The following NKAIN2 variants were observed in gnomAD, a reference collection of about 807,000 sequenced individuals.
NKAIN2 encodes the protein sodium/potassium-transporting ATPase subunit beta-1-interacting protein 2.
A neutral mutation model predicts 32.6 loss-of-function variants in NKAIN2; 14 were observed. The ratio of observed to expected loss-of-function variants is 0.43; its 90% CI spans 0.28 to 0.67. NKAIN2 has a LOEUF of 0.67. NKAIN2 is among the 30% of genes least tolerant of loss of function. The pLI is 0.17. For synonymous variants in NKAIN2, 80 were observed against 87.2 expected (o/e 0.92, Z 0.46); for missense variants, 198 against 258.3 (o/e 0.77, Z 1.60).
chr6:124,496,788 G>A lies in NKAIN2; in HGVS notation c.273+141441G>A, dbSNP rs1277800417. On this transcript the variant is annotated intron_variant, in intron 3 of 6. Transcript: ENST00000368417. Reference sequence around the variant, plus strand: ...ATTTAAAATATGAAGAAAGTAGGTTGATGTTGAAATATGGAAAGATTATAT... The same window carrying A: ...ATTTAAAATATGAAGAAAGTAGGTTAATGTTGAAATATGGAAAGATTATAT... Among the ~76,000 whole-genome samples the A allele has an allele frequency of 5.3e-5, 8 of 152,064 alleles. No individual in the cohort carries two copies. The East Asian group carries it at 1.5e-3, about 29-fold the overall frequency.
At chr6:124,281,625 G>A (rs558210955) in intron 1 of NKAIN2, among the ~76,000 whole-genome samples, 31 of 152,190 alleles carry the variant, frequency 2.0e-4, no homozygotes, top group African/African-American at 7.0e-4. Context: ...TGAGAATTAC[G>A]ATTTGACTAA....
intron 1 of NKAIN2, among the ~76,000 whole-genome samples, chr6:123,836,863 T>C (rs1469939581): frequency 6.6e-6 from 1 of 152,106 alleles, no homozygotes; most frequent in African/African-American, 2.4e-5. Context: ...TTAATGTTTA[T>C]CAAAAAATAA....
intron 1 of NKAIN2, among the ~76,000 whole-genome samples, chr6:124,198,072 G>T (rs1018921210): frequency 2.6e-5 from 4 of 151,854 alleles, no homozygotes; most frequent in Admixed American, 6.6e-5. Context: ...TGTACTTGTT[G>T]TACATCACGA....
intron 3 of NKAIN2, among the ~76,000 whole-genome samples, chr6:124,496,752 G>A (rs1000581453): frequency 3.3e-5 from 5 of 152,058 alleles, no homozygotes; most frequent in African/African-American, 1.2e-4. Context: ...TGTGCATATT[G>A]TTATTTTTGT....
At chr6:123,945,611 G>A (rs771571361) in intron 1 of NKAIN2, among the ~76,000 whole-genome samples, 2 of 152,040 alleles carry the variant, frequency 1.3e-5, no homozygotes, top group Non-Finnish European at 2.9e-5. Flanking sequence ...AGCTTCACCA[G>A]GACCACTGTC....
intron 1 of NKAIN2, among the ~76,000 whole-genome samples, chr6:123,989,242 AG>A (rs1443844189): frequency 2.0e-5 from 3 of 152,176 alleles, no homozygotes; most frequent in Non-Finnish European, 4.4e-5. Flanking sequence ...TTTTCAAATC[AG>A]GTGGTTTACA....
intron 1 of NKAIN2, among the ~76,000 whole-genome samples, chr6:124,243,883 T>C (rs1002078576): frequency 6.6e-6 from 1 of 152,124 alleles, no homozygotes; most frequent in Non-Finnish European, 1.5e-5. Context: ...TCTCAAATTA[T>C]TATTAATTTC....
intron 2 of NKAIN2, among the ~76,000 whole-genome samples, chr6:124,323,308 A>G (rs1054428237): frequency 3.9e-5 from 6 of 152,162 alleles, no homozygotes; most frequent in Non-Finnish European, 8.8e-5. Context: ...TTTTTGTCTT[A>G]TGAATTACGT....
intron 5 of NKAIN2, among the ~76,000 whole-genome samples, chr6:124,817,798 A>C (rs1781232408): frequency 6.6e-6 from 1 of 152,182 alleles, no homozygotes; most frequent in South Asian, 2.1e-4. Flanking sequence ...GTATGTATTG[A>C]ATTTGAATAT....
intron 3 of NKAIN2, among the ~76,000 whole-genome samples, chr6:124,403,525 T>C (rs938876887): frequency 6.6e-6 from 1 of 152,204 alleles, no homozygotes; most frequent in African/African-American, 2.4e-5. Flanking sequence ...AAGCAGTGAA[T>C]ATACTGTCAA....
At chr6:124,370,384 C>T (rs1013074536) in intron 3 of NKAIN2, among the ~76,000 whole-genome samples, 1 of 151,902 alleles carries the variant, frequency 6.6e-6, no homozygotes, top group African/African-American at 2.4e-5. Context: ...ATCAGAAAGG[C>T]ATCTTAGAAG....
At chr6:124,274,232 T>C (rs1794927637) in intron 1 of NKAIN2, among the ~76,000 whole-genome samples, 1 of 152,206 alleles carries the variant, frequency 6.6e-6, no homozygotes, top group African/African-American at 2.4e-5. Flanking sequence ...GTTCTGTTCT[T>C]ACTGTGAACT....
At chr6:124,463,706 C>T (rs1183715291) in intron 3 of NKAIN2, among the ~76,000 whole-genome samples, 1 of 152,130 alleles carries the variant, frequency 6.6e-6, no homozygotes, top group Non-Finnish European at 1.5e-5. Flanking sequence ...TCTGAACTCC[C>T]ATAGCATTTA....
At chr6:124,448,868 C>G (rs1157131148) in intron 3 of NKAIN2, among the ~76,000 whole-genome samples, 1 of 152,102 alleles carries the variant, frequency 6.6e-6, no homozygotes, top group Non-Finnish European at 1.5e-5. Flanking sequence ...TTCCTACCTG[C>G]TCTGATAATT....
chr6:124,511,863 A>G (rs1778727417), intron 3 of NKAIN2, among the ~76,000 whole-genome samples: 1 of 152,096 alleles, frequency 6.6e-6, no homozygotes. Flanking sequence ...ATTAAAAGAG[A>G]GGTGAATAGT....
intron 3 of NKAIN2, among the ~76,000 whole-genome samples, chr6:124,421,374 C>G (rs377108065): frequency 6.6e-6 from 1 of 152,118 alleles, no homozygotes; most frequent in East Asian, 1.9e-4. Context: ...AGTGATTACA[C>G]GTGGAGATGA....
intron 3 of NKAIN2, among the ~76,000 whole-genome samples, chr6:124,453,104 G>C (rs1776173618): frequency 6.6e-6 from 1 of 151,968 alleles, no homozygotes; most frequent in Admixed American, 6.6e-5. Flanking sequence ...ACAGTTTTAG[G>C]TCATTTCTTG....
intron 4 of NKAIN2, among the ~76,000 whole-genome samples, chr6:124,711,956 A>G (rs905014202): frequency 6.6e-6 from 1 of 151,878 alleles, no homozygotes; most frequent in African/African-American, 2.4e-5. Flanking sequence ...GGTTTTATCT[A>G]CTTTTGGTCT....
intron 3 of NKAIN2, among the ~76,000 whole-genome samples, chr6:124,476,051 AGAGAGAGAGAGAGAGTGTGT>A (rs1777187153): frequency 2.6e-5 from 2 of 76,826 alleles, no homozygotes; most frequent in African/African-American, 1.1e-4. Context: ...TGTGTGTGAG[AGAGAGAGAGAGAGAGTGTGT>A]GTGTGTGTGT....
Sources: gnomAD v4.1 joint callset for allele counts (sites outside exome capture counted in the v4.1 genomes callset) on GRCh38, gnomAD v4.1.1 for gene constraint, MANE v1.5 for transcripts, NCBI Gene and HGNC (gene_info 2026-07-23, HGNC 2026-07-21) for gene names.